Variants in NEDD4 observed in about 807,000 individuals in gnomAD.
NEDD4 encodes the protein NEDD4 E3 ubiquitin protein ligase.
NEDD4 carries 99 observed loss-of-function variants against 144.9 expected under a neutral mutation model. That is an observed-to-expected ratio of 0.68 (90% confidence interval 0.58 to 0.81). The LOEUF (loss-of-function observed/expected upper bound fraction) is 0.81, where lower values mean the gene tolerates loss of function less well. Ranked by LOEUF, NEDD4 falls within the 30% of genes least tolerant of loss-of-function variation. The pLI, the probability that NEDD4 is intolerant of heterozygous loss-of-function variation, is 0.00. For missense variants in NEDD4, 985 were observed against 1,065.9 expected (o/e 0.92, Z 1.06); for synonymous variants, 318 against 350.6 (o/e 0.91, Z 1.04).
chr15:55,893,634 T>G (rs1157084123), intron 5 of NEDD4, among the ~76,000 whole-genome samples: 6 of 151,584 alleles, frequency 4.0e-5, no homozygotes, highest in Admixed American at 2.6e-4. Context: ...ACACATGATA[T>G]TCGCACATGA....
In NEDD4 at chr15:55,921,545, G is replaced by A. The variant is rs186227548; in HGVS notation, c.291+3101C>T. 8.7e-4 allele frequency among the ~76,000 whole-genome samples: 132 copies of A among 152,050 alleles called. 2 individuals carry two copies. In the East Asian group the frequency reaches 0.019, roughly 21 times the overall value. On this transcript the variant is annotated intron_variant, in intron 5 of 28. Coordinates refer to ENST00000435532, the MANE Select transcript of NEDD4 (RefSeq NM_006154.4). ...TCACCATGCTGGCCAGGCTGGTGTC[G>A]AACTCCTGACATCAGGTGTTCACCT...
chr15:55,873,365 C>T (rs565591044), intron 6 of NEDD4, among the ~76,000 whole-genome samples: 56 of 152,264 alleles, frequency 3.7e-4, no homozygotes, highest in African/African-American at 1.3e-3. Flanking sequence ...TCTTTGTTTC[C>T]TATCAAAACT....
In NEDD4 at chr15:55,848,850, C is replaced by T; in HGVS notation, c.1384G>A (p.Gly462Arg). ...PRLKIPAHLRGKTSLDTSNDL... is the reference protein window; with the variant it reads ...PRLKIPAHLRRKTSLDTSNDL... ...TTGGAAGTATCAAGTGATGTCTTTCCTCTCAGATGGGCTGGAATTTTCAAT... is the reference window on the plus strand; with the variant it reads ...TTGGAAGTATCAAGTGATGTCTTTCTTCTCAGATGGGCTGGAATTTTCAAT... The change falls in exon 15 of 29, where the codon GGA becomes AGA. Residue 462 changes from glycine (G) to arginine (R), a missense_variant. By Grantham distance (125) the Gly-to-Arg change is moderately radical. Coordinates refer to ENST00000435532, the MANE Select transcript of NEDD4 (RefSeq NM_006154.4). 6 of 1,613,784 alleles carry T rather than the reference C, an allele frequency of 3.7e-6. No homozygotes were observed. The highest frequency in any genetic ancestry group is 5.1e-6 in the Non-Finnish European group (6 of 1,179,806).
At chr15:55,933,253 C>T (rs563481498) in intron 4 of NEDD4, among the ~76,000 whole-genome samples, 7 of 152,066 alleles carry the variant, frequency 4.6e-5, no homozygotes, top group Admixed American at 4.6e-4. Context: ...CAGCACTATT[C>T]ACAATAGCAA....
chr15:55,881,393 GGCCTTCCAAAGTGCTGGGATTACAGGCAT>G, intron 5 of NEDD4, among the ~76,000 whole-genome samples: 1 of 152,014 alleles, frequency 6.6e-6, no homozygotes, highest in South Asian at 2.1e-4. Context: ...TACCCACCTC[GGCCTTCCAAAGTGCTGGGATTACAGGCAT>G]GAGCCACAGT....
intron 12 of NEDD4, among the ~76,000 whole-genome samples, chr15:55,853,493 A>G (rs1311066296): frequency 1.3e-5 from 2 of 152,244 alleles, no homozygotes; most frequent in African/African-American, 4.8e-5. Context: ...GAGTAATGGA[A>G]GTAACTTGTT....
chr15:55,927,077 C>CAAAAAAAAAAAAAAAAAAA (rs57940091), intron 4 of NEDD4, among the ~76,000 whole-genome samples: 5 of 70,660 alleles, frequency 7.1e-5, no homozygotes, highest in South Asian at 5.6e-4. Flanking sequence ...GACTACGTCT[C>CAAAAAAAAAAAAAAAAAAA]AAAAAAAAAA....
At chr15:55,949,405 G>T (rs148221210) in intron 4 of NEDD4, among the ~76,000 whole-genome samples, 1,730 of 152,258 alleles carry the variant, frequency 0.011, 35 homozygotes, top group African/African-American at 0.039. Flanking sequence ...ATTCCTCAAG[G>T]ATCTAGAACA....
intron 1 of NEDD4, among the ~76,000 whole-genome samples, chr15:55,974,642 T>A (rs2037668565): frequency 6.6e-6 from 1 of 151,648 alleles, no homozygotes; most frequent in South Asian, 2.1e-4. Context: ...AAATGTCATA[T>A]CAACAGAATG....
At chr15:55,910,296 C>T (rs1202091206) in intron 5 of NEDD4, among the ~76,000 whole-genome samples, 2 of 152,116 alleles carry the variant, frequency 1.3e-5, no homozygotes, top group African/African-American at 2.4e-5. Context: ...TGGCTTTTAA[C>T]CCCGCATTCT....
Position 55,852,690 on chromosome 15 carries a change from AAT to A in NEDD4, c.1027-149_1027-148del, listed in dbSNP as rs59736982. On this transcript the variant is annotated intron_variant, in intron 12 of 28. Coordinates refer to ENST00000435532, the MANE Select transcript of NEDD4 (RefSeq NM_006154.4). ...TTACTACAGTTTTGCCTTTTCTAGA[AAT>A]ATATATATATATATATATATATATA... 1,165 of 184,098 alleles carry A rather than the reference AAT, an allele frequency of 6.3e-3. 22 individuals are homozygous for A. Among genetic ancestry groups the A allele is most frequent in the African/African-American group, 0.031 (1,094 of 35,412 alleles). 11.4% of individuals were successfully genotyped at this position (184,098 alleles called of 1,614,324 possible).
Position 55,898,589 on chromosome 15 carries a change from T to C in NEDD4, c.292-24581A>G, listed in dbSNP as rs8029265. Among the ~76,000 whole-genome samples, 962 of 152,056 alleles carry C rather than the reference T, an allele frequency of 6.3e-3. 15 individuals carry two copies. The highest frequency in any genetic ancestry group is 0.022 in the African/African-American group (899 of 41,480). On this transcript the variant is annotated intron_variant, in intron 5 of 28. Coordinates refer to ENST00000435532, the MANE Select transcript of NEDD4 (RefSeq NM_006154.4). ...CTTGCCTAGACTGCCCTATCAGAAG[T>C]TGGGATAATATCTTCTGCTCTTTTG...
intron 4 of NEDD4, among the ~76,000 whole-genome samples, chr15:55,928,634 C>T (rs773924638): frequency 1.3e-5 from 2 of 152,240 alleles, no homozygotes; most frequent in African/African-American, 4.8e-5. Context: ...ACCTTCTCCA[C>T]TCTACATGTC....
intron 4 of NEDD4, among the ~76,000 whole-genome samples, chr15:55,928,921 A>T (rs2036727635): frequency 6.6e-6 from 1 of 152,264 alleles, no homozygotes; most frequent in Non-Finnish European, 1.5e-5. Flanking sequence ...ATTAAAAATT[A>T]AAAATACTAA....
intron 8 of NEDD4, among the ~76,000 whole-genome samples, chr15:55,864,550 G>A (rs775453275): frequency 2.6e-5 from 4 of 151,666 alleles, no homozygotes; most frequent in African/African-American, 7.3e-5. Flanking sequence ...GTGTGGTGGC[G>A]CATGCCTGTA....
chr15:55,848,175 A>G (rs1399095717), intron 17 of NEDD4, among the ~76,000 whole-genome samples, 197 bp downstream of exon 17: 3 of 152,212 alleles, frequency 2.0e-5, no homozygotes, highest in Non-Finnish European at 4.4e-5. Context: ...CCTCACTGCT[A>G]TTGCGTAGGG....
At chr15:55,927,569 G>A (rs541335606) in intron 4 of NEDD4, among the ~76,000 whole-genome samples, 1 of 152,232 alleles carries the variant, frequency 6.6e-6, no homozygotes, top group South Asian at 2.1e-4. Context: ...GAATATTTTT[G>A]CATTAGACAC....
intron 24 of NEDD4, among the ~76,000 whole-genome samples, chr15:55,834,893 T>A (rs1055657803): frequency 6.6e-6 from 1 of 152,112 alleles, no homozygotes; most frequent in Non-Finnish European, 1.5e-5. Context: ...GTCCCAACCA[T>A]CACCAACACC....
intron 5 of NEDD4, among the ~76,000 whole-genome samples, chr15:55,877,243 G>A (rs2035026257): frequency 1.3e-5 from 2 of 152,090 alleles, no homozygotes; most frequent in Admixed American, 1.3e-4. Context: ...TAGTAGTCCT[G>A]TCTATTTAAT....
Sources: gnomAD v4.1 joint callset for allele counts (sites outside exome capture counted in the v4.1 genomes callset) on GRCh38, gnomAD v4.1.1 for gene constraint, MANE v1.5 for transcripts, NCBI Gene and HGNC (gene_info 2026-07-23, HGNC 2026-07-21) for gene names.